MAP3K13: variants seen among roughly 807,000 people sequenced by gnomAD.
MAP3K13 encodes the protein leucine zipper-bearing kinase.
In MAP3K13, 52 loss-of-function variants were observed where a neutral mutation model predicts 104.0. The observed-to-expected ratio is 0.50, with a 90% CI of 0.40 to 0.63. The LOEUF is 0.63. MAP3K13 is among the 20% of genes least tolerant of loss of function. The pLI, the probability that MAP3K13 is intolerant of heterozygous loss-of-function variation, is 0.00. For synonymous variants in MAP3K13, 394 were observed against 442.2 expected, an observed-to-expected ratio of 0.89 and a Z score of 1.37; for missense variants, 914 against 1,218.5, an observed-to-expected ratio of 0.75 and a Z score of 3.72.
chr3:185,458,664 C>T (rs1008571297), intron 7 of MAP3K13, among the ~76,000 whole-genome samples: 2 of 152,170 alleles, frequency 1.3e-5, no homozygotes, highest in East Asian at 1.9e-4. Context: ...TACCTGAGGC[C>T]TTGCCTCCTC....
intron 1 of MAP3K13, among the ~76,000 whole-genome samples, chr3:185,396,691 G>T (rs1712441314): frequency 6.6e-6 from 1 of 152,276 alleles, no homozygotes; most frequent in East Asian, 1.9e-4. Flanking sequence ...GACATAGGCC[G>T]ATGGAGCACA....
At chr3:185,376,427 A>G (rs1196997905) in intron 1 of MAP3K13, among the ~76,000 whole-genome samples, 5 of 152,218 alleles carry the variant, frequency 3.3e-5, no homozygotes, top group African/African-American at 1.2e-4. Context: ...CGTGAGGGCT[A>G]GGCTAAAACA....
intron 1 of MAP3K13, among the ~76,000 whole-genome samples, chr3:185,382,360 G>A (rs2108759907): frequency 6.6e-6 from 1 of 152,218 alleles, no homozygotes; most frequent in East Asian, 1.9e-4. Context: ...GACCATGGTT[G>A]ACCAAGGTAA....
At chr3:185,461,874 G>A (rs988914066) in intron 7 of MAP3K13, among the ~76,000 whole-genome samples, 1 of 128,020 alleles carries the variant, frequency 7.8e-6, no homozygotes, top group African/African-American at 2.7e-5. Context: ...AGCAATTAGG[G>A]ATTGCTATTA....
intron 1 of MAP3K13, among the ~76,000 whole-genome samples, chr3:185,395,459 C>A (rs1430302350): frequency 1.0e-5 from 1 of 98,982 alleles, no homozygotes; most frequent in Non-Finnish European, 2.1e-5. Flanking sequence ...CCCGGGTTCA[C>A]GCCATTCTCC....
chr3:185,476,140 A>G (rs1210632171), intron 11 of MAP3K13, among the ~76,000 whole-genome samples: 1 of 152,084 alleles, frequency 6.6e-6, no homozygotes, highest in Non-Finnish European at 1.5e-5. Context: ...GGCTCCCCCA[A>G]ATAACATGTA....
chr3:185,288,949 C>T (rs2108670400), intron 2 of MAP3K13, among the ~76,000 whole-genome samples: 1 of 152,228 alleles, frequency 6.6e-6, no homozygotes, highest in African/African-American at 2.4e-5. Context: ...ATCACTTTAA[C>T]CTGTAAAACA....
chr3:185,432,453 A>G (rs2148885969), intron 2 of MAP3K13, among the ~76,000 whole-genome samples: 1 of 151,912 alleles, frequency 6.6e-6, no homozygotes, highest in Middle Eastern at 3.4e-3. Flanking sequence ...GGCCTTCCAA[A>G]GTGCTGGATT....
rs543433158 is a variant in MAP3K13, at chr3:185,344,519, T to C, written c.-86+58876T>C. On this transcript the variant is annotated intron_variant, in intron 2 of 14. Coordinates refer to the MAP3K13 transcript ENST00000424227. ...CTATACATGGCAGTAGATACCAAAC[T>C]GAATATGCACTTGACCCCTTTCCAT... 1.3e-4 allele frequency among the ~76,000 whole-genome samples: 20 copies of C among 152,322 alleles called. No individual in the cohort carries two copies. The East Asian group carries it at 1.7e-3, about 13-fold the overall frequency.
At chr3:185,284,622 C>T (rs1432759629) in intron 1 of MAP3K13, among the ~76,000 whole-genome samples, 7 of 151,880 alleles carry the variant, frequency 4.6e-5, no homozygotes, top group African/African-American at 1.4e-4. Flanking sequence ...AGCTGAGGCG[C>T]GAGAATCGCT....
chr3:185,422,561 G>A (rs745976906), intron 1 of MAP3K13, among the ~76,000 whole-genome samples: 1 of 152,152 alleles, frequency 6.6e-6, no homozygotes, highest in African/African-American at 2.4e-5. Context: ...CTAACTTTCT[G>A]TGTATGAGCC....
chr3:185,444,156 G>A (rs1280210103), intron 4 of MAP3K13, among the ~76,000 whole-genome samples: 7 of 152,064 alleles, frequency 4.6e-5, no homozygotes, highest in Non-Finnish European at 8.8e-5. Context: ...CCAACGTGGT[G>A]AAACCCTGTC....
At position 185,315,657 on chromosome 3, in the gene MAP3K13, T is replaced by G. The variant is rs1390586897; in HGVS notation, c.-86+30014T>G. Among the ~76,000 whole-genome samples the G allele has an allele frequency of 3.3e-5, 5 of 152,214 alleles. No individual in the cohort carries two copies. The highest frequency in any genetic ancestry group is 7.3e-5 in the Non-Finnish European group (5 of 68,028). On this transcript the variant is annotated intron_variant, in intron 2 of 14. Transcript: ENST00000424227. The surrounding 1 kb of genome is among the most constrained non-coding windows in gnomAD (Gnocchi z 4.3). ...AAGCAAATTGTTTCACTATAACACTTAACAAATTTTGTTAGTGTACCCTAT... is the reference window on the plus strand; with the variant it reads ...AAGCAAATTGTTTCACTATAACACTGAACAAATTTTGTTAGTGTACCCTAT...
intron 7 of MAP3K13, among the ~76,000 whole-genome samples, chr3:185,452,409 G>T (rs1002478877): frequency 7.9e-5 from 12 of 151,668 alleles, no homozygotes; most frequent in African/African-American, 2.7e-4. Context: ...TTTTGTTTTT[G>T]TTTTTTTGGT....
rs773970746 is a variant in MAP3K13, at chr3:185,380,948, G to GT, written c.-86+17590dup. Among the ~76,000 whole-genome samples the GT allele has an allele frequency of 1.4e-3, 153 of 109,000 alleles. 1 individual carries two copies. Among genetic ancestry groups the GT allele is most frequent in the African/African-American group, 2.8e-3 (93 of 32,946 alleles). The allele number at this position is 109,000 out of a possible 152,430, so 71.5% of individuals were successfully genotyped here. A position where few individuals can be genotyped will look rare whatever the true frequency, so the allele number is the denominator to read the frequency against. ...CCTAAAAGAGGAAGAAGGTTTTTTT[G>GT]TTTTTTTTTTGTTTTTTTTTGTTTT... is the stretch of plus-strand genomic sequence containing the variant. On this transcript the variant is annotated intron_variant, in intron 1 of 13. Transcript: ENST00000265026.
intron 2 of MAP3K13, among the ~76,000 whole-genome samples, chr3:185,344,043 A>T (rs1007108966): frequency 1.3e-5 from 2 of 152,238 alleles, no homozygotes; most frequent in Admixed American, 6.5e-5. Flanking sequence ...TAAGATATGC[A>T]TGTGTTCATT....
At chr3:185,357,220 G>A (rs1258287886) in intron 2 of MAP3K13, among the ~76,000 whole-genome samples, 2 of 151,578 alleles carry the variant, frequency 1.3e-5, no homozygotes, top group African/African-American at 4.8e-5. Context: ...CGAGGCGGGC[G>A]GATCACCTGA....
intron 2 of MAP3K13, among the ~76,000 whole-genome samples, chr3:185,323,127 G>T (rs1721922337): frequency 6.6e-6 from 1 of 152,126 alleles, no homozygotes; most frequent in African/African-American, 2.4e-5. Context: ...AGATAGTACA[G>T]AAAGTTCCTG....
chr3:185,349,250 G>A (rs1299701926), intron 2 of MAP3K13, among the ~76,000 whole-genome samples: 4 of 152,028 alleles, frequency 2.6e-5, no homozygotes, highest in Admixed American at 2.6e-4. Flanking sequence ...TTAATACCCA[G>A]GAGATGGTTT....
Sources: gnomAD v4.1 joint callset for allele counts (sites outside exome capture counted in the v4.1 genomes callset) on GRCh38, gnomAD v4.1.1 for gene constraint, Gnocchi (gnomAD v3.1) non-coding constraint, MANE v1.5 for transcripts, NCBI Gene and HGNC (gene_info 2026-07-23, HGNC 2026-07-21) for gene names.